Variants in CDC20 observed in about 807,000 individuals in gnomAD.
CDC20 encodes cell division cycle protein 20 homolog.
A neutral mutation model predicts 60.0 loss-of-function variants in CDC20; 34 were observed. That is an observed-to-expected ratio of 0.57 (90% CI 0.43 to 0.75). The LOEUF (loss-of-function observed/expected upper bound fraction) is 0.75, where lower values mean the gene tolerates loss of function less well. Among genes scored for constraint, CDC20 ranks in the 30% least tolerant of loss-of-function variants. The probability of loss-of-function intolerance (pLI) is 0.00; values close to 1 mark genes in which losing one functional copy is unlikely to be tolerated. For synonymous variants in CDC20, 198 were observed against 243.5 expected (o/e 0.81, Z 1.74); for missense variants, 469 against 647.3 (o/e 0.72, Z 2.99).
chr1:43,360,154 A>G, intron 5 of CDC20, 39 bp from the exon 6 acceptor site: 1 of 1,613,868 alleles, frequency 6.2e-7, no homozygotes, highest in East Asian at 2.2e-5. Context: ...GGGACCACAC[A>G]AACAAGGAAG....
At chr1:43,359,040 C>T (rs960058536) in intron 1 of CDC20, 34 bp downstream of exon 1, 3 of 649,970 alleles carry the variant, frequency 4.6e-6, no homozygotes. Context: ...GAGGTGGGGC[C>T]GTGGCCAGGG....
At position 43,360,026 on chromosome 1, in the gene CDC20, G is replaced by A. The variant is rs200111540; in HGVS notation, c.485G>A (p.Arg162Gln). The change falls in exon 5 of 11, where the codon CGG becomes CAG. Residue 162 changes from arginine (R) to glutamine (Q), a missense_variant. By Grantham distance (43) the Arg-to-Gln change is conservative. Around this residue, in one of 5 missense-constraint regions of CDC20, gnomAD observed 255 missense variants for 326.7 expected, o/e 0.78. Transcript: ENST00000310955. ...YSQKATPGSS[R>Q]KTCRYIPSLP... ...CAAAAGGCCACTCCTGGCTCCAGCC[G>A]GAAGACCTGCCGTTACATTCCTTCC... The A allele has an allele frequency of 2.0e-4, 319 of 1,614,186 alleles. 3 individuals are homozygous for A. In the South Asian group the frequency reaches 3.4e-3, roughly 17 times the overall value.
At position 43,359,214 on chromosome 1, in the gene CDC20, C is replaced by T. The variant is rs754981446; in HGVS notation, c.-2C>T. 1 of 1,611,624 alleles carries T rather than the reference C, an allele frequency of 6.2e-7. No individual in the cohort carries two copies. Among genetic ancestry groups the T allele is most frequent in the Admixed American group, 1.7e-5 (1 of 60,030 alleles). On this transcript the variant is annotated 5_prime_UTR_variant, in exon 2 of 11. Transcript: ENST00000310955. The stretch of plus-strand genomic sequence containing the variant: ...AGGACCCCTCCCCCTGCGGGCGCTC[C>T]CATGGCACAGTTCGCGTTCGAGAGT...
intron 10 of CDC20, 46 bp downstream of exon 10, chr1:43,362,358 A>G: frequency 1.2e-6 from 1 of 811,512 alleles, no homozygotes. Context: ...CACATAATGT[A>G]TGACTGAAAT....
At position 43,359,976 on chromosome 1, in the gene CDC20, G is replaced by C; in HGVS notation, c.435G>C (p.Gln145His). ...GKPQNAPEGYQNRLKVLYSQK... is the reference protein window; with the variant it reads ...GKPQNAPEGYHNRLKVLYSQK... The stretch of plus-strand genomic sequence containing the variant: ...CTCACTCCGTTGCCACAGGTTATCA[G>C]AACAGACTGAAAGTACTCTACAGCC... Residue 145 changes from glutamine to histidine, a missense_variant, in exon 5 of 11, where the codon CAG becomes CAC. Gln to His is a conservative substitution (Grantham distance 24, BLOSUM62 0). Around this residue, in one of 5 missense-constraint regions of CDC20, gnomAD observed 255 missense variants for 326.7 expected, o/e 0.78. Coordinates refer to ENST00000310955, the MANE Select transcript of CDC20 (RefSeq NM_001255.3). 5 of 1,614,140 alleles carry C rather than the reference G, an allele frequency of 3.1e-6. No homozygotes were observed. Among genetic ancestry groups the C allele is most frequent in the Non-Finnish European group, 4.2e-6 (5 of 1,180,038 alleles).
rs1211795721 is a variant in CDC20, at chr1:43,361,100, C to T, written c.1078-20C>T. On this transcript the variant is annotated intron_variant, in intron 8 of 10. Transcript: ENST00000310955. Reference sequence around the variant, plus strand: ...TTGTCTGGCTCTAGTACCTGCTGACCCCACCTTTATTCCATCTAGGCCGTA... The same window carrying T: ...TTGTCTGGCTCTAGTACCTGCTGACTCCACCTTTATTCCATCTAGGCCGTA... The T allele has an allele frequency of 1.9e-6, 3 of 1,613,928 alleles. No homozygotes were observed. The highest frequency in any genetic ancestry group is 1.3e-5 in the African/African-American group (1 of 74,970).
chr1:43,362,968 C>A lies in CDC20; in HGVS notation c.1339C>A (p.Leu447Met). 1 of 1,599,314 alleles carries A rather than the reference C, an allele frequency of 6.3e-7. No homozygotes were observed. Among genetic ancestry groups the A allele is most frequent in the Non-Finnish European group, 8.5e-7 (1 of 1,175,642 alleles). Reference sequence around the variant, plus strand: ...TGCTCCAGGTCACACATCCCGGGTCCTGAGTCTGACCATGAGCCCAGATGG... The same window carrying A: ...TGCTCCAGGTCACACATCCCGGGTCATGAGTCTGACCATGAGCCCAGATGG... ...AELKGHTSRV[L>M]SLTMSPDGAT... Residue 447 changes from leucine (L) to methionine (M), a missense_variant, in exon 11 of 11, where the codon CTG becomes ATG. Around this residue, in one of 5 missense-constraint regions of CDC20, gnomAD observed 72 missense variants for 77.9 expected, o/e 0.92. Coordinates refer to ENST00000310955, the MANE Select transcript of CDC20 (RefSeq NM_001255.3).
intron 9 of CDC20, among the ~76,000 whole-genome samples, chr1:43,361,609 C>T (rs1647173056): frequency 1.3e-5 from 2 of 152,196 alleles, no homozygotes; most frequent in African/African-American, 4.8e-5. Context: ...TGACATCTGT[C>T]CCCTCCCCTC....
In CDC20 at chr1:43,360,283, TC is replaced by T. The variant is rs1647166469; in HGVS notation, c.649del (p.Leu217CysfsTer48). 4 of 1,614,164 alleles carry T rather than the reference TC, an allele frequency of 2.5e-6. No homozygotes were observed. Among genetic ancestry groups the T allele is most frequent in the Non-Finnish European group, 3.4e-6 (4 of 1,180,004 alleles). ...CTGTGGAGTGCAAGCTCTGGTGACA[TC>T]CTGCAGCTTTTGCAAATGGAGCAGC... ...VYLWSASSGD[I>X]LQLLQMEQPG... is the part of the protein sequence containing the mutation. On this transcript the variant is annotated frameshift_variant, in exon 6 of 11. Transcript: ENST00000310955. LOFTEE classifies it high-confidence loss of function.
chr1:43,361,329 G>A, intron 9 of CDC20, 84 bp downstream of exon 9: 1 of 1,342,278 alleles, frequency 7.5e-7, no homozygotes, highest in Non-Finnish European at 1.0e-6. Flanking sequence ...CCAACTCTAT[G>A]CCCTGGTGAT....
At position 43,360,182 on chromosome 1, in the gene CDC20, A is replaced by G. The variant is rs2153922184; in HGVS notation, c.557-11A>G. 12 of 1,613,934 alleles carry G rather than the reference A, an allele frequency of 7.4e-6. No homozygotes were observed. The highest frequency in any genetic ancestry group is 1.0e-5 in the Non-Finnish European group (12 of 1,179,888). On this transcript the variant is annotated splice_polypyrimidine_tract_variant and intron_variant, in intron 5 of 10. Transcript: ENST00000310955. Reference sequence around the variant, plus strand: ...CAAGGAAGCTCATGCTCTTCTCTCCACCTCTGACAGACCTGAACCTTGTGG... The same window carrying G: ...CAAGGAAGCTCATGCTCTTCTCTCCGCCTCTGACAGACCTGAACCTTGTGG...
At chr1:43,362,433 T>C (rs762083598) in intron 10 of CDC20, 121 bp downstream of exon 10, 12 of 615,476 alleles carry the variant, frequency 1.9e-5, no homozygotes, top group South Asian at 5.9e-5. Context: ...GAGAGGGTAA[T>C]GGGAAATGTT....
Position 43,360,106 on chromosome 1 carries a change from A to C in CDC20, c.556+9A>C. 1 of 1,614,230 alleles carries C rather than the reference A, an allele frequency of 6.2e-7. No homozygotes were observed. The highest frequency in any genetic ancestry group is 2.2e-5 in the East Asian group (1 of 44,894). On this transcript the variant is annotated intron_variant, in intron 5 of 10. Transcript: ENST00000310955. ...AATCCGAAATGACTATTGTAAGTGCATCCTTATCCTCGCCTCATGCATGGA... is the reference window on the plus strand; with the variant it reads ...AATCCGAAATGACTATTGTAAGTGCCTCCTTATCCTCGCCTCATGCATGGA...
intron 9 of CDC20, among the ~76,000 whole-genome samples, chr1:43,361,896 A>G (rs1647174087): frequency 1.3e-5 from 2 of 152,336 alleles, no homozygotes; most frequent in South Asian, 2.1e-4. Context: ...TCTGTCATCT[A>G]CTAAACTTGA....
chr1:43,359,953 C>G lies in CDC20; in HGVS notation c.428-16C>G, dbSNP rs1411159974. ...TGTTGATTTTCCCAGCGTCTAGACTCACTCCGTTGCCACAGGTTATCAGAA... is the reference window on the plus strand; with the variant it reads ...TGTTGATTTTCCCAGCGTCTAGACTGACTCCGTTGCCACAGGTTATCAGAA... On this transcript the variant is annotated splice_polypyrimidine_tract_variant and intron_variant, in intron 4 of 10. Transcript: ENST00000310955. 1.9e-6 allele frequency: 3 copies of G among 1,613,944 alleles called. No individual in the cohort carries two copies. Among genetic ancestry groups the G allele is most frequent in the Non-Finnish European group, 2.5e-6 (3 of 1,179,982 alleles).
chr1:43,359,015 T>G lies in CDC20; in HGVS notation c.-50+9T>G. The G allele has an allele frequency of 1.6e-6, 1 of 611,522 alleles. No homozygotes were observed. Among genetic ancestry groups the G allele is most frequent in the South Asian group, 1.9e-5 (1 of 51,826 alleles). 37.9% of individuals were successfully genotyped at this position (611,522 alleles called of 1,614,324 possible). On this transcript the variant is annotated intron_variant, in intron 1 of 10. Transcript: ENST00000310955. ...CTGCTCCGGAGGGCACGGTGAGAGG[T>G]GGTGGGGCTGAGCCGAGGTGGGGCC... is the stretch of plus-strand genomic sequence containing the variant.
At chr1:43,362,809 G>A (rs1243504270) in intron 10 of CDC20, 142 bp from the exon 11 acceptor site, 1 of 643,062 alleles carries the variant, frequency 1.6e-6, no homozygotes, top group Admixed American at 3.0e-5. Flanking sequence ...AGCTTGCAGT[G>A]AGCCAAGATT....
rs781357124 is a variant in CDC20 at position 43,362,179 on chromosome 1, C to G, written c.1204-16C>G. The G allele has an allele frequency of 7.8e-6, 12 of 1,531,130 alleles. No homozygotes were observed. The highest frequency in any genetic ancestry group is 5.0e-5 in the Admixed American group (3 of 59,704). The allele number at this position is 1,531,130 out of a possible 1,614,324, so 94.8% of individuals were successfully genotyped here. On this transcript the variant is annotated splice_polypyrimidine_tract_variant and intron_variant, in intron 9 of 10. Transcript: ENST00000310955. ...CCTTGGCTATATGTCATGCCCACACCAGCTCCTCTCCACAGGTGTGCTCCA... is the reference window on the plus strand; with the variant it reads ...CCTTGGCTATATGTCATGCCCACACGAGCTCCTCTCCACAGGTGTGCTCCA...
rs1327456011 is a variant in CDC20, at chr1:43,359,983, CTG to C, written c.443_444del (p.Leu148GlnfsTer32). The C allele has an allele frequency of 6.2e-7, 1 of 1,614,086 alleles. No homozygotes were observed. The highest frequency in any genetic ancestry group is 1.7e-5 in the Admixed American group (1 of 60,008). ...QNAPEGYQNRLKVLYSQKATP... is the reference protein window; with the variant it reads ...QNAPEGYQNRXKVLYSQKATP... ...CGTTGCCACAGGTTATCAGAACAGA[CTG>C]AAAGTACTCTACAGCCAAAAGGCCA... On this transcript the variant is annotated frameshift_variant, in exon 5 of 11. Coordinates refer to ENST00000310955, the MANE Select transcript of CDC20 (RefSeq NM_001255.3). LOFTEE classifies it high-confidence loss of function.
Sources: allele counts gnomAD v4.1 joint callset (sites outside exome capture counted in the v4.1 genomes callset), GRCh38; gene constraint gnomAD v4.1.1; regional missense constraint gnomAD v4.1.1; transcripts MANE v1.5; gene names NCBI Gene and HGNC (gene_info 2026-07-23, HGNC 2026-07-21).